CNN3: variants seen among roughly 807,000 people sequenced by gnomAD.
The protein encoded by CNN3 is calponin-3.
A neutral mutation model predicts 39.0 loss-of-function variants in CNN3; 11 were observed. That is an observed-to-expected ratio of 0.28 (90% CI 0.18 to 0.47). CNN3 has a LOEUF of 0.47. CNN3 is among the 20% of genes least tolerant of loss of function. The pLI, the probability that CNN3 is intolerant of heterozygous loss-of-function variation, is 0.99. For missense variants in CNN3, 266 were observed against 403.4 expected (o/e 0.66, Z 2.92); for synonymous variants, 101 against 138.3 (o/e 0.73, Z 1.89).
intron 1 of CNN3, chr1:94,924,259 C>G (rs1671522163): frequency 6.6e-6 from 1 of 152,152 alleles, no homozygotes; most frequent in African/African-American, 2.4e-5. Context: ...ATTCCCAGGC[C>G]CAGAACAGAT....
chr1:94,904,688 A>G (rs560739818), intron 1 of CNN3, among the ~76,000 whole-genome samples: 63 of 152,230 alleles, frequency 4.1e-4, no homozygotes, highest in Non-Finnish European at 7.5e-4. Context: ...TCGAGGCTAC[A>G]GTGAGCCATG....
chr1:94,903,571 A>G (rs1346747521), intron 1 of CNN3, 47 bp from the exon 2 acceptor site: 1 of 1,610,960 alleles, frequency 6.2e-7, no homozygotes, highest in African/African-American at 1.3e-5. Flanking sequence ...CAAAAGCATC[A>G]GAAACTGCCG....
At chr1:94,912,325 CA>C (rs1021618464) in intron 1 of CNN3, among the ~76,000 whole-genome samples, 22 of 152,076 alleles carry the variant, frequency 1.4e-4, no homozygotes. Context: ...TAACAAGTAA[CA>C]AAAAAGTGGG....
At chr1:94,920,269 A>G (rs1671406843) in intron 1 of CNN3, among the ~76,000 whole-genome samples, 1 of 152,188 alleles carries the variant, frequency 6.6e-6, no homozygotes, top group South Asian at 2.1e-4. Flanking sequence ...GGAGTCCTGG[A>G]TAAGGACTCT....
chr1:94,900,746 A>T (rs1328449280), intron 5 of CNN3, among the ~76,000 whole-genome samples: 1 of 152,204 alleles, frequency 6.6e-6, no homozygotes, highest in Admixed American at 6.5e-5. Flanking sequence ...TTCCATGACC[A>T]GTGAAGAGAA....
In CNN3 at chr1:94,901,718, C is replaced by A; in HGVS notation, c.452G>T (p.Arg151Leu). 5.6e-6 allele frequency: 9 copies of A among 1,614,042 alleles called. No individual in the cohort carries two copies. Among genetic ancestry groups the A allele is most frequent in the African/African-American group, 1.3e-5 (1 of 75,036 alleles). Residue 151 changes from arginine to leucine, a missense_variant, in exon 5 of 7, where the codon CGT (arginine) becomes CTT (leucine). Transcript: ENST00000370206. ...AGCTTTTAATTTTCCTTCATCAAAA[C>A]GTCTTGTTTGTTTTTCTGCATACTT... ...GVKYAEKQTRRFDEGKLKAGQ... is the reference protein window; with the variant it reads ...GVKYAEKQTRLFDEGKLKAGQ...
chr1:94,901,419 C>G (rs1429655664), intron 5 of CNN3, among the ~76,000 whole-genome samples: 2 of 138,396 alleles, frequency 1.4e-5, no homozygotes, highest in Non-Finnish European at 3.2e-5. Context: ...AAAAAAAAGA[C>G]AATATGATTC....
intron 2 of CNN3, 54 bp from the exon 3 acceptor site, chr1:94,903,242 T>C (rs917961150): frequency 3.5e-5 from 56 of 1,591,376 alleles, no homozygotes; most frequent in East Asian, 1.1e-4. Context: ...AAAACAAGGA[T>C]TGAAATATCA....
At chr1:94,925,839 G>A (rs1671562089) in intron 1 of CNN3, 1 of 985,024 alleles carries the variant, frequency 1.0e-6, no homozygotes. Context: ...GACAATGAGC[G>A]TTCTGTGCAC....
At chr1:94,906,553 G>A (rs1317172258) in intron 1 of CNN3, among the ~76,000 whole-genome samples, 4 of 152,130 alleles carry the variant, frequency 2.6e-5, no homozygotes, top group Non-Finnish European at 4.4e-5. Context: ...GCTAGGGTGA[G>A]AGGAGTTCTG....
intron 1 of CNN3, among the ~76,000 whole-genome samples, chr1:94,906,760 T>C (rs1023317176): frequency 6.6e-6 from 1 of 152,228 alleles, no homozygotes; most frequent in African/African-American, 2.4e-5. Flanking sequence ...AGAGAAAAAT[T>C]ATGTTAGAGT....
At position 94,926,421 on chromosome 1, in the gene CNN3, G is replaced by A. The variant is rs954899878; in HGVS notation, c.57+417C>T. 1.3e-5 allele frequency among the ~76,000 whole-genome samples: 2 copies of A among 152,192 alleles called. No individual in the cohort carries two copies. Among genetic ancestry groups the A allele is most frequent in the Admixed American group, 1.3e-4 (2 of 15,284 alleles). On this transcript the variant is annotated intron_variant, in intron 1 of 6. Coordinates refer to ENST00000370206, the MANE Select transcript of CNN3 (RefSeq NM_001839.5). The surrounding 1 kb of genome is among the most constrained non-coding windows in gnomAD (Gnocchi z 4.2). Reference sequence around the variant, plus strand: ...CCCGGGGCCCGGGCAGATGGCGGGGGCTGCGGCAGCGGCTCGCCGGGTCCC... The same window carrying A: ...CCCGGGGCCCGGGCAGATGGCGGGGACTGCGGCAGCGGCTCGCCGGGTCCC...
rs1185971239 is a variant in CNN3 at position 94,899,504 on chromosome 1, T to C, written c.515A>G (p.Lys172Arg). The part of the protein sequence containing the change: ...SVIGLQMGTN[K>R]CASQAGMTAY... The stretch of plus-strand genomic sequence containing the variant: ...TGTCATACCTGCCTGGCTGGCACAT[T>C]TGTTGGTTCCCATCTTTTAAGTTAA... Residue 172 changes from lysine (K) to arginine (R), a missense_variant, in exon 6 of 7, where the codon AAA becomes AGA. Physicochemically the swap from Lys to Arg is conservative, Grantham distance 26. Coordinates refer to ENST00000370206, the MANE Select transcript of CNN3 (RefSeq NM_001839.5). 1.2e-6 allele frequency: 2 copies of C among 1,612,060 alleles called. No individual in the cohort carries two copies. Among genetic ancestry groups the C allele is most frequent in the Non-Finnish European group, 1.7e-6 (2 of 1,179,492 alleles).
At chr1:94,922,741 C>T (rs1329862428) in intron 1 of CNN3, among the ~76,000 whole-genome samples, 1 of 152,156 alleles carries the variant, frequency 6.6e-6, no homozygotes, top group Non-Finnish European at 1.5e-5. Flanking sequence ...GCGCACCCGG[C>T]AAACAAGCTA....
intron 1 of CNN3, among the ~76,000 whole-genome samples, chr1:94,921,206 C>G (rs1460442967): frequency 6.6e-6 from 1 of 152,100 alleles, no homozygotes; most frequent in African/African-American, 2.4e-5. Context: ...ACCAGCCTGG[C>G]CAACATGGTG....
chr1:94,903,495 T>C lies in CNN3; in HGVS notation c.87A>G (p.Glu29=), dbSNP rs1670920591. The C allele has an allele frequency of 6.2e-7, 1 of 1,613,904 alleles. No homozygotes were observed. The highest frequency in any genetic ancestry group is 8.5e-7 in the Non-Finnish European group (1 of 1,179,956). The change falls in exon 2 of 7, where the codon GAA becomes GAG. Residue 29 remains glutamate, a synonymous_variant. Coordinates refer to ENST00000370206, the MANE Select transcript of CNN3 (RefSeq NM_001839.5). The part of the protein sequence containing the change: ...KIASKYDHQA[E]EDLRNWIEEV... ...CTTCTATCCAATTGCGAAGATCTTC[T>C]TCTGCCTGATGATCATACTTGGAAG...
chr1:94,898,132 T>A, intron 6 of CNN3, 49 bp from the exon 7 acceptor site: 1 of 1,484,534 alleles, frequency 6.7e-7, no homozygotes, highest in Non-Finnish European at 9.2e-7. Flanking sequence ...TAGAATCTAT[T>A]CTTGTGAATA....
chr1:94,918,303 G>A (rs1671338467), intron 1 of CNN3, among the ~76,000 whole-genome samples: 2 of 151,954 alleles, frequency 1.3e-5, no homozygotes, highest in South Asian at 4.2e-4. Context: ...GACCAGCCTG[G>A]CCAACATAGT....
Position 94,897,591 on chromosome 1 carries a change from A to G in CNN3, c.*151T>C. 1 of 649,778 alleles carries G rather than the reference A, an allele frequency of 1.5e-6. No individual in the cohort carries two copies. Among genetic ancestry groups the G allele is most frequent in the South Asian group, 2.1e-5 (1 of 47,386 alleles). The allele number at this position is 649,778 out of a possible 1,614,324, so 40.3% of individuals were successfully genotyped here. A position where few individuals can be genotyped will look rare whatever the true frequency, so the allele number is the denominator to read the frequency against. ...AACTATTGAGGGAAGAGGCAGAAAA[A>G]GGAAAAAGGAATGTACGTAAGGCAA... On this transcript the variant is annotated 3_prime_UTR_variant, in exon 7 of 7. Transcript: ENST00000370206.
Sources: allele counts gnomAD v4.1 joint callset (sites outside exome capture counted in the v4.1 genomes callset), GRCh38; gene constraint gnomAD v4.1.1; non-coding constraint Gnocchi (gnomAD v3.1); transcripts MANE v1.5; gene names NCBI Gene and HGNC (gene_info 2026-07-23, HGNC 2026-07-21).